Variants in TADA2B observed in about 807,000 individuals in gnomAD.
TADA2B encodes transcriptional adaptor 2B.
Under a neutral mutation model 34.5 loss-of-function variants are expected in TADA2B, and 13 were observed. The observed-to-expected ratio is 0.38, with a 90% CI of 0.25 to 0.60. The LOEUF (loss-of-function observed/expected upper bound fraction) is 0.60, where lower values mean the gene tolerates loss of function less well. TADA2B is among the 20% of genes least tolerant of loss of function. The pLI is 0.65. For missense variants in TADA2B, 442 were observed against 575.0 expected (o/e 0.77, Z 2.37); for synonymous variants, 240 against 243.4 (o/e 0.99, Z 0.13).
intron 1 of TADA2B, among the ~76,000 whole-genome samples, chr4:7,048,301 G>A (rs1323619883): frequency 6.6e-6 from 1 of 152,138 alleles, no homozygotes; most frequent in Non-Finnish European, 1.5e-5. Context: ...GGGAGAGCCC[G>A]GATGGGAGAG....
Position 7,054,121 on chromosome 4 carries a change from C to G in TADA2B, c.330C>G (p.Tyr110Ter). 1 of 1,602,410 alleles carries G rather than the reference C, an allele frequency of 6.2e-7. No individual in the cohort carries two copies. Among genetic ancestry groups the G allele is most frequent in the Non-Finnish European group, 8.5e-7 (1 of 1,174,710 alleles). The change falls in exon 2 of 2, where the codon TAC (tyrosine) becomes TAG (stop). Residue 110 changes from tyrosine to a stop codon, truncating the protein, a stop_gained. Transcript: ENST00000310074. LOFTEE classifies it high-confidence loss of function. Reference sequence around the variant, plus strand: ...CTCCCCAAGAGGTGATGGAGCATTACGTGAGCATGTACATCCACGGGAACC... The same window carrying G: ...CTCCCCAAGAGGTGATGGAGCATTAGGTGAGCATGTACATCCACGGGAACC... The part of the protein sequence containing the change: ...SRTPQEVMEH[Y>*]VSMYIHGNLG...
chr4:7,049,045 C>G (rs1423112230), intron 1 of TADA2B, among the ~76,000 whole-genome samples: 1 of 151,942 alleles, frequency 6.6e-6, no homozygotes, highest in Non-Finnish European at 1.5e-5. Flanking sequence ...GGGATCTCGT[C>G]AAGTAAATAA....
In TADA2B at chr4:7,054,097, TC is replaced by T; in HGVS notation, c.310del (p.Gln104LysfsTer3). The T allele has an allele frequency of 6.3e-7, 1 of 1,596,212 alleles. No homozygotes were observed. Among genetic ancestry groups the T allele is most frequent in the Non-Finnish European group, 8.5e-7 (1 of 1,170,628 alleles). ...MAAHVGASRT[P>X]QEVMEHYVSM... ...CTGCCCACGTTGGTGCTTCCCGGAC[TC>T]CCCAAGAGGTGATGGAGCATTACGT... On this transcript the variant is annotated frameshift_variant, in exon 2 of 2. Coordinates refer to ENST00000310074, the MANE Select transcript of TADA2B (RefSeq NM_152293.3). LOFTEE classifies it high-confidence loss of function.
chr4:7,052,558 A>C (rs1244048119), intron 1 of TADA2B, among the ~76,000 whole-genome samples: 1 of 152,110 alleles, frequency 6.6e-6, no homozygotes, highest in Non-Finnish European at 1.5e-5. Flanking sequence ...TTTCTTACCC[A>C]TGTGAGGTGT....
Position 7,055,284 on chromosome 4 carries a change from A to C in TADA2B, c.*230A>C. ...TTTTAAGTGAGTTCCTGCGAGTCAT[A>C]CACTGCGATGATGCTCCGCCTTTAC... is the stretch of plus-strand genomic sequence containing the variant. On this transcript the variant is annotated 3_prime_UTR_variant, in exon 2 of 2. Transcript: ENST00000310074. 1 of 536,958 alleles carries C rather than the reference A, an allele frequency of 1.9e-6. No homozygotes were observed. Among genetic ancestry groups the C allele is most frequent in the East Asian group, 3.1e-5 (1 of 32,104 alleles). 33.3% of individuals were successfully genotyped at this position (536,958 alleles called of 1,614,324 possible).
At chr4:7,053,460 G>T (rs1392306618) in intron 1 of TADA2B, 1 of 152,416 alleles carries the variant, frequency 6.6e-6, no homozygotes, top group Non-Finnish European at 1.5e-5. Flanking sequence ...CCCGGCGCAT[G>T]AAGGCCAGGA....
Position 7,054,316 on chromosome 4 carries a change from C to A in TADA2B, c.525C>A (p.Ile175=), listed in dbSNP as rs1486358342. The change falls in exon 2 of 2, where the codon ATC becomes ATA. Residue 175 remains isoleucine, a synonymous_variant. Coordinates refer to ENST00000310074, the MANE Select transcript of TADA2B (RefSeq NM_152293.3). The stretch of plus-strand genomic sequence containing the variant: ...TGCCGCTGCGGGATGATTACGAGAT[C>A]GAGTATGACCAGGATGCCGAGACGC... ...GYMPLRDDYE[I]EYDQDAETLI... 3.7e-6 allele frequency: 6 copies of A among 1,613,408 alleles called. No individual in the cohort carries two copies. Among genetic ancestry groups the A allele is most frequent in the Non-Finnish European group, 5.1e-6 (6 of 1,179,886 alleles).
intron 1 of TADA2B, among the ~76,000 whole-genome samples, chr4:7,050,116 G>A (rs1723726893): frequency 6.6e-6 from 1 of 152,264 alleles, no homozygotes; most frequent in South Asian, 2.1e-4. Context: ...GACATGTCAG[G>A]GCTCTCTGAC....
chr4:7,047,770 G>A lies in TADA2B; in HGVS notation c.270+3921G>A, dbSNP rs111289897. On this transcript the variant is annotated intron_variant, in intron 1 of 1. Transcript: ENST00000310074. ...GTTTTAAGAGTCTGGTGTATTCAGG[G>A]CCAGGCAAAAGCCAGCTTGGGGTGA... Among the ~76,000 whole-genome samples, 1,423 of 152,340 alleles carry A rather than the reference G, an allele frequency of 9.3e-3. 24 individuals are homozygous for A. The highest frequency in any genetic ancestry group is 0.032 in the African/African-American group (1,346 of 41,576).
At position 7,055,435 on chromosome 4, in the gene TADA2B, T is replaced by C. The variant is rs1318570843; in HGVS notation, c.*381T>C. 1 of 172,646 alleles carries C rather than the reference T, an allele frequency of 5.8e-6. No individual in the cohort carries two copies. 10.7% of individuals were successfully genotyped at this position (172,646 alleles called of 1,614,324 possible). A position where few individuals can be genotyped will look rare whatever the true frequency, so the allele number is the denominator to read the frequency against. On this transcript the variant is annotated 3_prime_UTR_variant, in exon 2 of 2. Coordinates refer to ENST00000310074, the MANE Select transcript of TADA2B (RefSeq NM_152293.3). The stretch of plus-strand genomic sequence containing the variant: ...TGCTGGACCCGCAAGCCACCAGCTA[T>C]TTCCTGGTGACACAAGCTCTTCTCA...
chr4:7,057,465 T>C lies in TADA2B; in HGVS notation c.*2411T>C, dbSNP rs768725713. ...TTTATATTTAATTCTCATGATAAATTAGCCACCATAATCCCATGGAATTAG... is the reference window on the plus strand; with the variant it reads ...TTTATATTTAATTCTCATGATAAATCAGCCACCATAATCCCATGGAATTAG... On this transcript the variant is annotated 3_prime_UTR_variant, in exon 2 of 2. Transcript: ENST00000310074. 6.6e-6 allele frequency: 1 copy of C among 152,216 alleles called. No homozygotes were observed. The highest frequency in any genetic ancestry group is 1.5e-5 in the Non-Finnish European group (1 of 68,036). The allele number at this position is 152,216 out of a possible 1,614,324, so 9.4% of individuals were successfully genotyped here.
At position 7,055,119 on chromosome 4, in the gene TADA2B, A is replaced by G. The variant is rs1577218119; in HGVS notation, c.*65A>G. 2.0e-6 allele frequency: 3 copies of G among 1,483,854 alleles called. No individual in the cohort carries two copies. The highest frequency in any genetic ancestry group is 9.0e-7 in the Non-Finnish European group (1 of 1,111,422). 91.9% of individuals were successfully genotyped at this position (1,483,854 alleles called of 1,614,324 possible). Reference sequence around the variant, plus strand: ...TGTGCCAGCCAAAATGACTTGGGGGAGGGGAGCCGCTTCCCCACTGTTGCT... The same window carrying G: ...TGTGCCAGCCAAAATGACTTGGGGGGGGGGAGCCGCTTCCCCACTGTTGCT... On this transcript the variant is annotated 3_prime_UTR_variant, in exon 2 of 2. Transcript: ENST00000310074.
chr4:7,048,390 T>TGAGTCA (rs1723689891), intron 1 of TADA2B, among the ~76,000 whole-genome samples: 1 of 152,046 alleles, frequency 6.6e-6, no homozygotes, highest in Non-Finnish European at 1.5e-5. Flanking sequence ...CTGGTTTACC[T>TGAGTCA]GAGTCACCCC....
At position 7,056,749 on chromosome 4, in the gene TADA2B, G is replaced by A. The variant is rs1723900773; in HGVS notation, c.*1695G>A. The A allele has an allele frequency of 6.6e-6, 1 of 152,220 alleles. No individual in the cohort carries two copies. The highest frequency in any genetic ancestry group is 1.5e-5 in the Non-Finnish European group (1 of 68,044). The allele number at this position is 152,220 out of a possible 1,614,324, so 9.4% of individuals were successfully genotyped here. ...AAAGTACTGAGCAGTGGTATCATGA[G>A]GGCCACCTCCACATTGTCCCCTGCA... On this transcript the variant is annotated 3_prime_UTR_variant, in exon 2 of 2. Coordinates refer to ENST00000310074, the MANE Select transcript of TADA2B (RefSeq NM_152293.3).
At chr4:7,047,666 C>T (rs1472329640) in intron 1 of TADA2B, among the ~76,000 whole-genome samples, 1 of 152,238 alleles carries the variant, frequency 6.6e-6, no homozygotes, top group Non-Finnish European at 1.5e-5. Context: ...GGCAAGTGGG[C>T]CTCAGGATGT....
chr4:7,057,583 T>C lies in TADA2B; in HGVS notation c.*2529T>C, dbSNP rs1238132574. ...GCGGGCTGATCACGAGGTCAAGAGA[T>C]CGAGACCATCCTGGCCAACATGGTG... On this transcript the variant is annotated 3_prime_UTR_variant, in exon 2 of 2. Coordinates refer to ENST00000310074, the MANE Select transcript of TADA2B (RefSeq NM_152293.3). The C allele has an allele frequency of 6.6e-6, 1 of 152,256 alleles. No individual in the cohort carries two copies. Among genetic ancestry groups the C allele is most frequent in the Non-Finnish European group, 1.5e-5 (1 of 68,084 alleles). 9.4% of individuals were successfully genotyped at this position (152,256 alleles called of 1,614,324 possible).
Position 7,043,708 on chromosome 4 carries a change from C to T in TADA2B, c.129C>T (p.Gly43=). Residue 43 remains glycine (G), a synonymous_variant, in exon 1 of 2, where the codon GGC becomes GGT. Coordinates refer to ENST00000310074, the MANE Select transcript of TADA2B (RefSeq NM_152293.3). The stretch of plus-strand genomic sequence containing the variant: ...GCTTCTCGGCCGGCGCCGAGATCGG[C>T]CACCACCGCCGCTACCACGGCTACC... ...PECFSAGAEI[G]HHRRYHGYQL... 1 of 1,586,758 alleles carries T rather than the reference C, an allele frequency of 6.3e-7. No individual in the cohort carries two copies. Among genetic ancestry groups the T allele is most frequent in the South Asian group, 1.1e-5 (1 of 88,688 alleles).
At chr4:7,052,240 C>T (rs1446052949) in intron 1 of TADA2B, among the ~76,000 whole-genome samples, 8 of 152,394 alleles carry the variant, frequency 5.2e-5, no homozygotes, top group African/African-American at 1.4e-4. Context: ...CGCCCGCCTG[C>T]GCGGTGGAAG....
intron 1 of TADA2B, among the ~76,000 whole-genome samples, chr4:7,047,096 G>A (rs1250474630): frequency 6.6e-6 from 1 of 152,146 alleles, no homozygotes; most frequent in African/African-American, 2.4e-5. Context: ...CTAGAAGGCC[G>A]GTTTGTGATG....
Sources: allele counts gnomAD v4.1 joint callset (sites outside exome capture counted in the v4.1 genomes callset), GRCh38; gene constraint gnomAD v4.1.1; transcripts MANE v1.5; gene names NCBI Gene and HGNC (gene_info 2026-07-23, HGNC 2026-07-21).